Variants in SETDB1 observed in about 807,000 individuals in gnomAD.
SETDB1 encodes the protein SET domain bifurcated histone lysine methyltransferase 1, also known as histone-lysine N-methyltransferase SETDB1.
Under a neutral mutation model 137.4 loss-of-function variants are expected in SETDB1, and 31 were observed. The observed-to-expected ratio is 0.23, with a 90% CI of 0.17 to 0.30. The LOEUF (loss-of-function observed/expected upper bound fraction) is 0.30, where lower values mean the gene tolerates loss of function less well. Among genes scored for constraint, SETDB1 ranks in the 10% least tolerant of loss-of-function variants. The pLI, the probability that SETDB1 is intolerant of heterozygous loss-of-function variation, is 1.00. For synonymous variants in SETDB1, 548 were observed against 579.9 expected (o/e 0.95, Z 0.79); for missense variants, 1,113 against 1,631.5 (o/e 0.68, Z 5.47).
At position 150,929,972 on chromosome 1, in the gene SETDB1, T is replaced by G; in HGVS notation, c.266T>G (p.Val89Gly). The G allele has an allele frequency of 6.2e-7, 1 of 1,612,928 alleles. No homozygotes were observed. Among genetic ancestry groups the G allele is most frequent in the Non-Finnish European group, 8.5e-7 (1 of 1,179,552 alleles). Reference protein sequence around the residue: ...DQLFDDASRAVTNCESLVKDF... With the variant: ...DQLFDDASRAGTNCESLVKDF... ...TGCATGTGTTCCAATATTAGGGCAG[T>G]GACTAATTGTGAGTCTTTGGTGAAG... The change falls in exon 3 of 22, where the codon GTG becomes GGG. Residue 89 changes from valine (V) to glycine (G), a missense_variant. Val to Gly is a moderately radical substitution (Grantham distance 109). This residue lies in a region of SETDB1 where 159 missense variants were observed against 188.6 expected (regional missense o/e 0.84). Coordinates refer to ENST00000692827, the MANE Select transcript of SETDB1 (RefSeq NM_001366418.1).
intron 8 of SETDB1, among the ~76,000 whole-genome samples, 163 bp from the exon 9 acceptor site, chr1:150,944,755 G>A (rs1236597228): frequency 2.6e-5 from 4 of 152,076 alleles, no homozygotes; most frequent in Non-Finnish European, 5.9e-5. Flanking sequence ...TTGTACATTA[G>A]GTTTATTACT....
At chr1:150,929,358 TTTTTTATTTTA>T (rs1280439918) in intron 2 of SETDB1, among the ~76,000 whole-genome samples, 7 of 150,406 alleles carry the variant, frequency 4.7e-5, no homozygotes, top group South Asian at 2.1e-4. Context: ...TAATGAGCAT[TTTTTTATTTTA>T]TTTTTATTTT....
At chr1:150,942,518 G>T in intron 5 of SETDB1, 45 bp from the exon 6 acceptor site, 1 of 1,567,530 alleles carries the variant, frequency 6.4e-7, no homozygotes, top group Non-Finnish European at 8.7e-7. Flanking sequence ...GTTCTCTACC[G>T]AATCTATGTC....
At chr1:150,936,163 A>AT (rs34336465) in intron 3 of SETDB1, among the ~76,000 whole-genome samples, 53,427 of 151,180 alleles carry the variant, frequency 0.35, 9,782 homozygotes, top group South Asian at 0.51. Context: ...ATTTTTTTCT[A>AT]TTTTTTTAGT....
chr1:150,947,987 T>A (rs1293173485), intron 10 of SETDB1, among the ~76,000 whole-genome samples: 1 of 151,724 alleles, frequency 6.6e-6, no homozygotes, highest in African/African-American at 2.4e-5. Flanking sequence ...GTCTCAGCAC[T>A]TTGGGAGGCT....
intron 16 of SETDB1, chr1:150,961,896 C>T (rs755391111): frequency 6.5e-6 from 4 of 614,780 alleles, no homozygotes; most frequent in Non-Finnish European, 1.2e-5. Flanking sequence ...TGATGTAATC[C>T]TGCTCGTGGT....
At chr1:150,930,999 C>T (rs1457645068) in intron 3 of SETDB1, among the ~76,000 whole-genome samples, 1 of 152,054 alleles carries the variant, frequency 6.6e-6, no homozygotes, top group Non-Finnish European at 1.5e-5. Context: ...GTGGCTCATA[C>T]CTGTAATCCC....
intron 15 of SETDB1, among the ~76,000 whole-genome samples, chr1:150,959,947 C>T (rs1670769042): frequency 6.6e-6 from 1 of 151,906 alleles, no homozygotes; most frequent in African/African-American, 2.4e-5. Context: ...GTGGTGGATG[C>T]CTGTAATCCC....
rs1021871450 is a variant in SETDB1, at chr1:150,964,044, A to G, written c.3722A>G (p.His1241Arg). Residue 1241 changes from histidine to arginine, a missense_variant, in exon 21 of 22, where the codon CAT becomes CGT. Physicochemically the swap from His to Arg is conservative, Grantham distance 29 (BLOSUM62 0). Transcript: ENST00000692827. ...GTCCAGAATGTCTTCGTGGATACCC[A>G]TGATCTTCGCTTCCCCTGGGTGGCC... is the stretch of plus-strand genomic sequence containing the variant. ...LFVQNVFVDTHDLRFPWVAFF... is the reference protein window; with the variant it reads ...LFVQNVFVDTRDLRFPWVAFF... 1 of 1,614,098 alleles carries G rather than the reference A, an allele frequency of 6.2e-7. No individual in the cohort carries two copies. Among genetic ancestry groups the G allele is most frequent in the Non-Finnish European group, 8.5e-7 (1 of 1,180,016 alleles).
intron 9 of SETDB1, among the ~76,000 whole-genome samples, chr1:150,946,105 A>C (rs1220090808): frequency 6.6e-6 from 1 of 151,688 alleles, no homozygotes; most frequent in Non-Finnish European, 1.5e-5. Flanking sequence ...CTGCAGCCTC[A>C]ACCTCCAGGG....
chr1:150,946,334 C>T (rs1253907833), intron 9 of SETDB1, among the ~76,000 whole-genome samples: 2 of 152,080 alleles, frequency 1.3e-5, no homozygotes, highest in African/African-American at 2.4e-5. Flanking sequence ...ACCTCTTATA[C>T]TCAGTATAGA....
At chr1:150,933,731 G>A (rs1669843269) in intron 3 of SETDB1, among the ~76,000 whole-genome samples, 1 of 141,776 alleles carries the variant, frequency 7.1e-6, no homozygotes, top group South Asian at 2.3e-4. Flanking sequence ...GAAAACCACT[G>A]TCATTCTTCT....
rs1199092471 is a variant in SETDB1, at chr1:150,950,773, T to G, written c.1899T>G (p.Gly633=). ...GFHVIYKTPC[G]LCLRTMQEIE... ...ATGTTATCTATAAGACACCTTGTGG[T>G]CTCTGCCTTCGGACAATGCAGGAGA... is the stretch of plus-strand genomic sequence containing the variant. The change falls in exon 13 of 22, where the codon GGT becomes GGG. Residue 633 remains glycine, a synonymous_variant. Coordinates refer to ENST00000692827, the MANE Select transcript of SETDB1 (RefSeq NM_001366418.1). The G allele has an allele frequency of 6.2e-7, 1 of 1,614,094 alleles. No homozygotes were observed. The highest frequency in any genetic ancestry group is 8.5e-7 in the Non-Finnish European group (1 of 1,180,040).
intron 20 of SETDB1, 75 bp downstream of exon 20, chr1:150,963,816 GC>G (rs1670901601): frequency 1.4e-6 from 2 of 1,456,718 alleles, no homozygotes; most frequent in Non-Finnish European, 1.9e-6. Flanking sequence ...TACTCTATAA[GC>G]CCTTTTCTTG....
At chr1:150,963,428 G>A in intron 19 of SETDB1, 102 bp from the exon 20 acceptor site, 1 of 1,021,856 alleles carries the variant, frequency 9.8e-7, no homozygotes, top group Non-Finnish European at 1.5e-6. Context: ...GTGTTTCTCA[G>A]CTGCAATGTT....
chr1:150,941,730 A>G (rs910276333), intron 5 of SETDB1, among the ~76,000 whole-genome samples: 1 of 151,850 alleles, frequency 6.6e-6, no homozygotes, highest in Non-Finnish European at 1.5e-5. Context: ...GGTGGCTCAT[A>G]TCTGTAATTC....
chr1:150,942,528 C>T (rs749181265), intron 5 of SETDB1, 35 bp from the exon 6 acceptor site: 1 of 1,589,800 alleles, frequency 6.3e-7, no homozygotes, highest in Non-Finnish European at 8.6e-7. Flanking sequence ...GAATCTATGT[C>T]ATAACTCTTG....
In SETDB1 at chr1:150,964,432, G is replaced by A; in HGVS notation, c.*68G>A. On this transcript the variant is annotated 3_prime_UTR_variant, in exon 22 of 22. Transcript: ENST00000692827. The stretch of plus-strand genomic sequence containing the variant: ...CAGGAACTGGGTCTTCCTGATTGTT[G>A]AACCCTGACCCGAAGTCTCTGGGCT... 8.5e-7 allele frequency: 1 copy of A among 1,176,914 alleles called. No homozygotes were observed. Among genetic ancestry groups the A allele is most frequent in the Non-Finnish European group, 1.3e-6 (1 of 796,718 alleles). 72.9% of individuals were successfully genotyped at this position (1,176,914 alleles called of 1,614,324 possible).
intron 7 of SETDB1, 78 bp downstream of exon 7, chr1:150,943,131 C>A: frequency 1.0e-6 from 1 of 995,176 alleles, no homozygotes; most frequent in Non-Finnish European, 1.6e-6. Context: ...GACCAGATAC[C>A]ACAATTAGCT....
Sources: gnomAD v4.1 joint callset for allele counts (sites outside exome capture counted in the v4.1 genomes callset) on GRCh38, gnomAD v4.1.1 for gene constraint, gnomAD v4.1.1 regional missense constraint, MANE v1.5 for transcripts, NCBI Gene and HGNC (gene_info 2026-07-23, HGNC 2026-07-21) for gene names.